Variants in SLC10A6 observed in about 807,000 individuals in gnomAD.
The protein encoded by SLC10A6 is solute carrier family 10 member 6.
SLC10A6 carries 27 observed loss-of-function variants against 30.0 expected under a neutral mutation model. The ratio of observed to expected loss-of-function variants is 0.90; its 90% confidence interval spans 0.66 to 1.24. SLC10A6 has a LOEUF of 1.24. Ranked by LOEUF, SLC10A6 falls within the 50% of genes most tolerant of loss-of-function variation. The pLI is 0.00. For synonymous variants in SLC10A6, 166 were observed against 173.8 expected, an observed-to-expected ratio of 0.95 and a Z score of 0.36; for missense variants, 439 against 457.0, an observed-to-expected ratio of 0.96 and a Z score of 0.36.
At chr4:86,841,407 A>T (rs1269478377) in intron 1 of SLC10A6, among the ~76,000 whole-genome samples, 5 of 152,222 alleles carry the variant, frequency 3.3e-5, no homozygotes. Flanking sequence ...TACAGTGGAA[A>T]GTCACGCCTT....
In SLC10A6 at chr4:86,849,349, C is replaced by G; in HGVS notation, c.-234G>C. 5.6e-6 allele frequency: 3 copies of G among 534,050 alleles called. No individual in the cohort carries two copies. The allele number at this position is 534,050 out of a possible 1,614,324, so 33.1% of individuals were successfully genotyped here. ...AATAAACTGTGGTAAGTAAGGCTTT[C>G]CACTTCTGTTCTTACTCACCACTGA... On this transcript the variant is annotated 5_prime_UTR_variant, in exon 1 of 6. Transcript: ENST00000273905.
At position 86,849,048 on chromosome 4, in the gene SLC10A6, C is replaced by A. The variant is rs770753702; in HGVS notation, c.68G>T (p.Gly23Val). ...CTCCAGGTTTCCATGCACCTCCAGT[C>A]CCACTGGCAGCTCCTCCTCTGAACT... ...ANSSEEELPV[G>V]LEVHGNLELV... Residue 23 changes from glycine to valine, a missense_variant, in exon 1 of 6, where the codon GGA becomes GTA. By Grantham distance (109) the Gly-to-Val change is moderately radical. Transcript: ENST00000273905. The A allele has an allele frequency of 5.0e-6, 8 of 1,614,042 alleles. No individual in the cohort carries two copies. Among genetic ancestry groups the A allele is most frequent in the Non-Finnish European group, 6.8e-6 (8 of 1,180,024 alleles).
intron 1 of SLC10A6, among the ~76,000 whole-genome samples, chr4:86,842,581 G>A (rs991232701): frequency 1.3e-5 from 2 of 151,922 alleles, no homozygotes; most frequent in Admixed American, 1.3e-4. Flanking sequence ...AGTCCCAGCT[G>A]CGCTGCTCAG....
intron 1 of SLC10A6, among the ~76,000 whole-genome samples, chr4:86,842,734 A>AAAGAAAAGAC (rs1553899555): frequency 1.4e-5 from 2 of 141,154 alleles, no homozygotes; most frequent in African/African-American, 5.1e-5. Flanking sequence ...AAAGAAAAGA[A>AAAGAAAAGAC]AAGACAAGAC....
rs1560460401 is a variant in SLC10A6, at chr4:86,837,294, G to GAAA, written c.378-3871_378-3870insTTT. ...AAGAAAGAAAGAAAGAAAAAGAAAG[G>GAAA]AAGGAAGGAAGGAAGGAAGGAAGGA... On this transcript the variant is annotated intron_variant, in intron 1 of 5. Coordinates refer to ENST00000273905, the MANE Select transcript of SLC10A6 (RefSeq NM_197965.3). 2.9e-4 allele frequency among the ~76,000 whole-genome samples: 20 copies of GAAA among 68,734 alleles called. 1 individual carries two copies. Among genetic ancestry groups the GAAA allele is most frequent in the Admixed American group, 5.8e-4 (4 of 6,946 alleles). The allele number at this position is 68,734 out of a possible 152,430, so 45.1% of individuals were successfully genotyped here. A position where few individuals can be genotyped will look rare whatever the true frequency, so the allele number is the denominator to read the frequency against.
At position 86,842,715 on chromosome 4, in the gene SLC10A6, AAG is replaced by A. The variant is rs1746311376; in HGVS notation, c.377+6022_377+6023del. Among the ~76,000 whole-genome samples, 13 of 93,792 alleles carry A rather than the reference AAG, an allele frequency of 1.4e-4. 4 individuals are homozygous for A. The African/African-American group carries it at 1.4e-3, about 10-fold the overall frequency. 61.5% of individuals were successfully genotyped at this position (93,792 alleles called of 152,430 possible). A position where few individuals can be genotyped will look rare whatever the true frequency, so the allele number is the denominator to read the frequency against. Reference sequence around the variant, plus strand: ...CCTGTCTCAAAAAAAAAAAAAAGAAAAGAAAAGAAAAGAAAAGAAAAGACAAG... The same window carrying A: ...CCTGTCTCAAAAAAAAAAAAAAGAAAAAAAGAAAAGAAAAGAAAAGACAAG... On this transcript the variant is annotated intron_variant, in intron 1 of 5. Transcript: ENST00000273905.
intron 1 of SLC10A6, among the ~76,000 whole-genome samples, chr4:86,846,737 C>T (rs968033116): frequency 2.0e-5 from 3 of 151,940 alleles, no homozygotes; most frequent in African/African-American, 7.3e-5. Flanking sequence ...AAACTATTAT[C>T]TATATATGTG....
At chr4:86,840,160 C>G (rs772921572) in intron 1 of SLC10A6, among the ~76,000 whole-genome samples, 3 of 151,902 alleles carry the variant, frequency 2.0e-5, no homozygotes, top group Non-Finnish European at 4.4e-5. Flanking sequence ...CTCAGGTGAT[C>G]CACCCACCTT....
chr4:86,838,617 C>A (rs1179512236), intron 1 of SLC10A6, among the ~76,000 whole-genome samples: 1 of 152,114 alleles, frequency 6.6e-6, no homozygotes, highest in East Asian at 1.9e-4. Flanking sequence ...GAAAAAGAGA[C>A]TTTCTATAAA....
At chr4:86,831,505 G>A (rs1476272711) in intron 3 of SLC10A6, among the ~76,000 whole-genome samples, 1 of 152,128 alleles carries the variant, frequency 6.6e-6, no homozygotes, top group Admixed American at 6.5e-5. Flanking sequence ...GATGGGCCTG[G>A]GCTCTTCTGT....
chr4:86,845,192 C>T (rs540029012), intron 1 of SLC10A6, among the ~76,000 whole-genome samples: 2 of 152,292 alleles, frequency 1.3e-5, no homozygotes, highest in Non-Finnish European at 2.9e-5. Flanking sequence ...ACATATCAGC[C>T]AACTGCTTTC....
rs780884224 is a variant in SLC10A6, at chr4:86,825,462, AG to A, written c.876del (p.Tyr293MetfsTer6). ...CCATCTATCAGCTGGAAGAGTCCAT[AG>A]GCCAGTGGGAAACTCAACATCTGGA... ...HLVQMLSFPL[A>X]YGLFQLIDGF... On this transcript the variant is annotated frameshift_variant, in exon 5 of 6. Coordinates refer to ENST00000273905, the MANE Select transcript of SLC10A6 (RefSeq NM_197965.3). LOFTEE classifies it low-confidence loss of function (END_TRUNC). 10 of 1,611,726 alleles carry A rather than the reference AG, an allele frequency of 6.2e-6. No individual in the cohort carries two copies. The East Asian group carries it at 2.2e-4, about 36-fold the overall frequency.
rs374917571 is a variant in SLC10A6 at position 86,833,321 on chromosome 4, G to A, written c.481C>T (p.Pro161Ser). 24 of 1,613,004 alleles carry A rather than the reference G, an allele frequency of 1.5e-5. No individual in the cohort carries two copies. The highest frequency in any genetic ancestry group is 7.7e-5 in the South Asian group (7 of 91,036). Residue 161 changes from proline to serine, a missense_variant, in exon 2 of 6, where the codon CCT becomes TCT. By Grantham distance (74) the Pro-to-Ser change is moderately conservative. Coordinates refer to ENST00000273905, the MANE Select transcript of SLC10A6 (RefSeq NM_197965.3). Reference protein sequence around the residue: ...SWSLQQNLTIPYQNIGITLVC... With the variant: ...SWSLQQNLTISYQNIGITLVC... Reference sequence around the variant, plus strand: ...CCATACAGACCTATGTTCTGATAAGGAATGGTGAGATTCTGCTGAAGACTC... The same window carrying A: ...CCATACAGACCTATGTTCTGATAAGAAATGGTGAGATTCTGCTGAAGACTC...
chr4:86,842,786 TTTTCTTTCTTTCTTTCTTTC>T (rs757772118), intron 1 of SLC10A6, among the ~76,000 whole-genome samples: 3,057 of 106,628 alleles, frequency 0.029, 215 homozygotes, highest in South Asian at 0.05. Flanking sequence ...TGGACACCTC[TTTTCTTTCTTTCTTTCTTTC>T]TTTCTTTCTT....
At chr4:86,826,768 T>C (rs937602746) in intron 4 of SLC10A6, among the ~76,000 whole-genome samples, 10 of 152,092 alleles carry the variant, frequency 6.6e-5, no homozygotes, top group African/African-American at 2.4e-4. Context: ...CTGGGCAGGA[T>C]GTTGAGGGCT....
intron 1 of SLC10A6, among the ~76,000 whole-genome samples, chr4:86,843,159 C>T (rs1488321348): frequency 6.6e-6 from 1 of 151,992 alleles, no homozygotes; most frequent in Non-Finnish European, 1.5e-5. Context: ...GTGTGAGCCA[C>T]CACGCCTGGC....
Position 86,825,554 on chromosome 4 carries a change from G to C in SLC10A6, c.785C>G (p.Thr262Ser), listed in dbSNP as rs1256467563. The C allele has an allele frequency of 6.2e-7, 1 of 1,602,940 alleles. No individual in the cohort carries two copies. Among genetic ancestry groups the C allele is most frequent in the Non-Finnish European group, 8.5e-7 (1 of 1,170,676 alleles). ...GCACATCTGAATATTCTGAGCTCCA[G>C]TTTCTAAGGAAATTGTCCTGCACCT... Reference protein sequence around the residue: ...WQRCRTISLETGAQNIQMCIT... With the variant: ...WQRCRTISLESGAQNIQMCIT... Residue 262 changes from threonine to serine, a missense_variant, in exon 5 of 6, where the codon ACT becomes AGT. Thr to Ser is a moderately conservative substitution (Grantham distance 58). Coordinates refer to ENST00000273905, the MANE Select transcript of SLC10A6 (RefSeq NM_197965.3).
intron 4 of SLC10A6, 144 bp downstream of exon 4, chr4:86,827,849 C>T: frequency 3.3e-6 from 2 of 601,092 alleles, no homozygotes; most frequent in Admixed American, 4.1e-5. Flanking sequence ...CCATGAATGA[C>T]CCTCTTTTAT....
intron 1 of SLC10A6, among the ~76,000 whole-genome samples, chr4:86,841,012 G>T (rs1056898670): frequency 1.3e-5 from 2 of 152,136 alleles, no homozygotes; most frequent in African/African-American, 4.8e-5. Flanking sequence ...CCACAAAGAG[G>T]CTGTTTAGAA....
Sources: gnomAD v4.1 joint callset for allele counts (sites outside exome capture counted in the v4.1 genomes callset) on GRCh38, gnomAD v4.1.1 for gene constraint, MANE v1.5 for transcripts, NCBI Gene and HGNC (gene_info 2026-07-23, HGNC 2026-07-21) for gene names.